Variants in SYNE1 observed in about 807,000 individuals in gnomAD.
SYNE1 encodes nesprin-1.
SYNE1 carries 616 observed loss-of-function variants against 1,111.0 expected under a neutral mutation model. The observed-to-expected ratio is 0.55, with a 90% CI of 0.52 to 0.59. SYNE1 has a LOEUF of 0.59. Ranked by LOEUF, SYNE1 falls within the 20% of genes least tolerant of loss-of-function variation. The pLI, the probability that SYNE1 is intolerant of heterozygous loss-of-function variation, is 0.00. For missense variants in SYNE1, 10,006 were observed against 10,417.0 expected (o/e 0.96, Z 1.72); for synonymous variants, 3,855 against 3,825.8 (o/e 1.01, Z -0.28).
chr6:152,492,952 G>T (rs145725743), intron 11 of SYNE1, among the ~76,000 whole-genome samples: 1 of 152,082 alleles, frequency 6.6e-6, no homozygotes, highest in Non-Finnish European at 1.5e-5. Context: ...ATCCCCATCT[G>T]CCCAGTTCCC....
At position 152,151,655 on chromosome 6, in the gene SYNE1, C is replaced by T. The variant is rs371204427; in HGVS notation, c.24348G>A (p.Ala8116=). The T allele has an allele frequency of 4.6e-5, 75 of 1,614,004 alleles. No individual in the cohort carries two copies. The highest frequency in any genetic ancestry group is 6.7e-5 in the African/African-American group (5 of 74,898). ...FIGQREEFET[A]RDSILVWLTE... is the part of the protein sequence containing the mutation. ...TGAGCCAGACCAGAATGCTGTCCCG[C>T]GCAGTCTCAAACTCCTCACGCTGGC... Residue 8116 remains alanine (A), a synonymous_variant, in exon 135 of 146, where the codon GCG becomes GCA. Coordinates refer to ENST00000367255, the MANE Select transcript of SYNE1 (RefSeq NM_182961.4).
At chr6:152,505,522 T>C in intron 8 of SYNE1, 125 bp from the exon 9 acceptor site, 1 of 1,089,064 alleles carries the variant, frequency 9.2e-7, no homozygotes, top group East Asian at 2.6e-5. Flanking sequence ...CAGTTCATTG[T>C]ATTTGAGAAA....
chr6:152,218,836 C>CTT (rs1302135326), intron 120 of SYNE1, among the ~76,000 whole-genome samples, 167 bp downstream of exon 120: 8,661 of 152,260 alleles, frequency 0.057, 860 homozygotes, highest in African/African-American at 0.2. Context: ...CAGCGCAAAA[C>CTT]GTCCACCTTC....
Position 152,266,293 on chromosome 6 carries a change from A to T in SYNE1, c.18815+1763T>A, listed in dbSNP as rs542002567. ...ATATATATGGTAATAAAGTTGCAGA[A>T]GATCCCTTCTGCTCCTTTAGTGATG... On this transcript the variant is annotated intron_variant, in intron 100 of 145. Coordinates refer to ENST00000367255, the MANE Select transcript of SYNE1 (RefSeq NM_182961.4). 2.6e-3 allele frequency among the ~76,000 whole-genome samples: 399 copies of T among 152,322 alleles called. 1 individual carries two copies. The highest frequency in any genetic ancestry group is 4.7e-3 in the Non-Finnish European group (320 of 68,022).
chr6:152,308,721 A>G, intron 90 of SYNE1, 89 bp from the exon 91 acceptor site: 2 of 1,409,044 alleles, frequency 1.4e-6, no homozygotes, highest in Non-Finnish European at 9.6e-7. Context: ...ACTCCTATTT[A>G]CCTGTACAGG....
At chr6:152,454,164 AT>A (rs2098675906) in intron 24 of SYNE1, among the ~76,000 whole-genome samples, 1 of 152,056 alleles carries the variant, frequency 6.6e-6, no homozygotes, top group African/African-American at 2.4e-5. Flanking sequence ...CCATTGTCAC[AT>A]TCACACATGT....
At chr6:152,240,468 C>T (rs1429551891) in intron 107 of SYNE1, among the ~76,000 whole-genome samples, 1 of 152,192 alleles carries the variant, frequency 6.6e-6, no homozygotes, top group African/African-American at 2.4e-5. Flanking sequence ...TATACCTACA[C>T]ATAACATAAC....
chr6:152,453,450 T>A, intron 25 of SYNE1, 136 bp downstream of exon 25: 1 of 1,294,872 alleles, frequency 7.7e-7, no homozygotes, highest in African/African-American at 1.5e-5. Context: ...GTCCAGTTTT[T>A]TGAGTTTTTA....
intron 36 of SYNE1, among the ~76,000 whole-genome samples, chr6:152,429,529 C>T (rs899303122): frequency 2.0e-5 from 3 of 152,254 alleles, no homozygotes. Flanking sequence ...AATGTTCGTG[C>T]ACACATGAAC....
chr6:152,609,141 G>C (rs1173540006), intron 3 of SYNE1, among the ~76,000 whole-genome samples: 1 of 152,010 alleles, frequency 6.6e-6, no homozygotes, highest in East Asian at 2.0e-4. Flanking sequence ...AGCCCACGGA[G>C]GGTGAGCTGA....
chr6:152,393,977 A>C (rs2097690186), intron 51 of SYNE1, among the ~76,000 whole-genome samples: 1 of 152,046 alleles, frequency 6.6e-6, no homozygotes. Context: ...CCTTCCCCTA[A>C]GCCCCCATCC....
Position 152,164,234 on chromosome 6 carries a change from C to G in SYNE1, c.23719G>C (p.Glu7907Gln). Residue 7907 changes from glutamate (E) to glutamine (Q), a missense_variant, in exon 131 of 146, where the codon GAG becomes CAG. Around this residue, in one of 7 missense-constraint regions of SYNE1, gnomAD observed 2,182 missense variants for 2,287.8 expected, o/e 0.95. Transcript: ENST00000367255. Reference protein sequence around the residue: ...LRTWLAHIESELAKPIVYDSC... With the variant: ...LRTWLAHIESQLAKPIVYDSC... Reference sequence around the variant, plus strand: ...TCGTAGACTATTGGCTTGGCCAGCTCTGACTCGATGTGAGCGAGCCAGGTC... The same window carrying G: ...TCGTAGACTATTGGCTTGGCCAGCTGTGACTCGATGTGAGCGAGCCAGGTC... The G allele has an allele frequency of 1.2e-6, 2 of 1,614,178 alleles. No homozygotes were observed. The highest frequency in any genetic ancestry group is 1.7e-6 in the Non-Finnish European group (2 of 1,180,036).
At chr6:152,353,777 AATCTTAGCC>A (rs761743795) in intron 67 of SYNE1, 33 bp from the exon 68 acceptor site, 1 of 1,612,344 alleles carries the variant, frequency 6.2e-7, no homozygotes, top group Non-Finnish European at 8.5e-7. Context: ...GGAAAGATTC[AATCTTAGCC>A]ATTCGAATAA....
chr6:152,168,603 A>G (rs958375002), intron 130 of SYNE1, among the ~76,000 whole-genome samples: 3 of 152,228 alleles, frequency 2.0e-5, no homozygotes, highest in African/African-American at 7.2e-5. Context: ...TATTTAAAGA[A>G]AACAAATCAT....
chr6:152,454,826 A>G (rs2098683187), intron 24 of SYNE1, among the ~76,000 whole-genome samples: 1 of 152,178 alleles, frequency 6.6e-6, no homozygotes, highest in South Asian at 2.1e-4. Context: ...GGTTTATACA[A>G]ATAGCCACTG....
chr6:152,511,614 A>T (rs1281961762), intron 6 of SYNE1: 1 of 1,608,592 alleles, frequency 6.2e-7, no homozygotes, highest in African/African-American at 1.3e-5. Context: ...ACAAAGGGAG[A>T]AGATAATAGA....
At chr6:152,493,496 C>A (rs1170114160) in intron 11 of SYNE1, among the ~76,000 whole-genome samples, 1 of 152,180 alleles carries the variant, frequency 6.6e-6, no homozygotes, top group African/African-American at 2.4e-5. Flanking sequence ...GCGCCCATTA[C>A]TTCAGTCAAG....
rs75121575 is a variant in SYNE1, at chr6:152,340,259, C to T, written c.12226-893G>A. Among the ~76,000 whole-genome samples the T allele has an allele frequency of 5.8e-4, 89 of 152,218 alleles. 2 individuals are homozygous for T. In the East Asian group the frequency reaches 0.015, roughly 26 times the overall value. On this transcript the variant is annotated intron_variant, in intron 74 of 145. Transcript: ENST00000367255. ...GTAGAGAGACAGCAAATGCAAAGCCCTGAGGCTGGAGCAGAGTGAATCAGG... is the reference window on the plus strand; with the variant it reads ...GTAGAGAGACAGCAAATGCAAAGCCTTGAGGCTGGAGCAGAGTGAATCAGG...
chr6:152,560,182 A>ATGTTTGATAGAGATGGG (rs2099390513), intron 3 of SYNE1, among the ~76,000 whole-genome samples: 2 of 151,976 alleles, frequency 1.3e-5, no homozygotes, highest in Non-Finnish European at 2.9e-5. Context: ...GTGAAACCCC[A>ATGTTTGATAGAGATGGG]TCTCTATCAA....
Sources: allele counts gnomAD v4.1 joint callset (sites outside exome capture counted in the v4.1 genomes callset), GRCh38; gene constraint gnomAD v4.1.1; regional missense constraint gnomAD v4.1.1; transcripts MANE v1.5; gene names NCBI Gene and HGNC (gene_info 2026-07-23, HGNC 2026-07-21).